Variants in SCP2 observed in about 807,000 individuals in gnomAD.
The protein encoded by SCP2 is SCP-2/3-oxoacyl-CoA thiolase.
SCP2 carries 48 observed loss-of-function variants against 71.4 expected under a neutral mutation model. That is an observed-to-expected ratio of 0.67 (90% CI 0.53 to 0.86). SCP2 has a LOEUF of 0.86. SCP2 is among the 40% of genes least tolerant of loss of function. The pLI is 0.00. For synonymous variants in SCP2, 220 were observed against 218.1 expected (o/e 1.01, Z -0.08); for missense variants, 560 against 655.6 (o/e 0.85, Z 1.59).
intron 6 of SCP2, among the ~76,000 whole-genome samples, chr1:52,970,755 A>T (rs12089511): frequency 0.59 from 89,082 of 151,676 alleles, 28,715 homozygotes; most frequent in East Asian, 0.98. Context: ...CAGCCTGCCC[A>T]TGTACCCTTA....
chr1:53,017,141 A>G (rs1224801839), intron 12 of SCP2, among the ~76,000 whole-genome samples: 1 of 152,192 alleles, frequency 6.6e-6, no homozygotes, highest in African/African-American at 2.4e-5. Flanking sequence ...ATAGGTATGT[A>G]TTCTATATTC....
intron 11 of SCP2, among the ~76,000 whole-genome samples, chr1:53,000,971 TTA>T (rs201322829): frequency 1.3e-5 from 2 of 151,258 alleles, no homozygotes; most frequent in Non-Finnish European, 1.5e-5. Context: ...AAGAAAAAAA[TTA>T]TATATATATA....
At chr1:52,958,507 A>G (rs1656032100) in intron 5 of SCP2, among the ~76,000 whole-genome samples, 1 of 152,132 alleles carries the variant, frequency 6.6e-6, no homozygotes, top group Non-Finnish European at 1.5e-5. Context: ...CTGGGATTAC[A>G]AGTATGAGGC....
At chr1:52,948,107 AT>A (rs1557550968) in intron 3 of SCP2, 27 bp downstream of exon 3, 3 of 1,479,514 alleles carry the variant, frequency 2.0e-6, no homozygotes, top group South Asian at 2.3e-5. Context: ...GTATTCTAAA[AT>A]TTTTTTACCT....
intron 1 of SCP2, among the ~76,000 whole-genome samples, chr1:52,938,771 T>C (rs893519510): frequency 2.0e-5 from 3 of 152,238 alleles, no homozygotes; most frequent in Non-Finnish European, 4.4e-5. Context: ...ACATTTGTTA[T>C]GATCGATGAA....
intron 6 of SCP2, among the ~76,000 whole-genome samples, chr1:52,969,848 A>AAAC (rs1557572037): frequency 3.2e-5 from 4 of 123,380 alleles, no homozygotes; most frequent in Non-Finnish European, 5.6e-5. Flanking sequence ...AACAAACAAA[A>AAAC]AAAGTGGCCT....
Position 53,011,154 on chromosome 1 carries a change from C to A in SCP2, c.1082-3736C>A, listed in dbSNP as rs189809571. On this transcript the variant is annotated intron_variant, in intron 11 of 15. Transcript: ENST00000371514. ...GCCTTTTCTTCCTCAAAAATTCAGG[C>A]TCTGATAGTAGAAAACCATGCTTTT... is the stretch of plus-strand genomic sequence containing the variant. 2.3e-3 allele frequency among the ~76,000 whole-genome samples: 355 copies of A among 152,276 alleles called. 1 individual carries two copies. Among genetic ancestry groups the A allele is most frequent in the Middle Eastern group, 0.017 (5 of 294 alleles).
intron 2 of SCP2, chr1:52,943,939 A>G: frequency 2.8e-6 from 1 of 355,578 alleles, no homozygotes; most frequent in Non-Finnish European, 5.6e-6. Flanking sequence ...CATGGTATAG[A>G]GACCTCCTTA....
intron 8 of SCP2, among the ~76,000 whole-genome samples, chr1:52,977,625 C>T (rs1242027040): frequency 6.6e-6 from 1 of 152,170 alleles, no homozygotes; most frequent in African/African-American, 2.4e-5. Context: ...TCAGAAGATG[C>T]CTTATGCATC....
intron 10 of SCP2, among the ~76,000 whole-genome samples, chr1:52,987,644 A>G (rs1659117336): frequency 6.6e-6 from 1 of 152,190 alleles, no homozygotes; most frequent in African/African-American, 2.4e-5. Flanking sequence ...ATACTTATAT[A>G]GTATATAGCA....
chr1:52,969,818 C>T (rs371934792), intron 6 of SCP2, among the ~76,000 whole-genome samples: 1 of 93,462 alleles, frequency 1.1e-5, no homozygotes, highest in Admixed American at 1.1e-4. Flanking sequence ...TAGACTCCAT[C>T]TCAAACAAAC....
At chr1:52,987,456 C>T (rs535433458) in intron 10 of SCP2, among the ~76,000 whole-genome samples, 1 of 152,232 alleles carries the variant, frequency 6.6e-6, no homozygotes, top group South Asian at 2.1e-4. Context: ...TTATTTACTT[C>T]TTAAGCATCT....
intron 6 of SCP2, among the ~76,000 whole-genome samples, chr1:52,971,789 G>C (rs1444879213): frequency 6.6e-6 from 1 of 152,140 alleles, no homozygotes; most frequent in African/African-American, 2.4e-5. Flanking sequence ...CTGGAATGGG[G>C]GTCTTATGAC....
At position 53,044,093 on chromosome 1, in the gene SCP2, T is replaced by A. The variant is rs570923200; in HGVS notation, c.1469-3765T>A. On this transcript the variant is annotated intron_variant, in intron 14 of 15. Coordinates refer to ENST00000371514, the MANE Select transcript of SCP2 (RefSeq NM_002979.5). ...TTTTTTTTGAGATGGAGTCTCACTC[T>A]TGTCACCCAGGTTGGAGTGCAATGG... is the stretch of plus-strand genomic sequence containing the variant. 3.3e-5 allele frequency among the ~76,000 whole-genome samples: 5 copies of A among 152,164 alleles called. No homozygotes were observed. In the South Asian group the frequency reaches 1.0e-3, roughly 32 times the overall value.
At position 53,050,811 on chromosome 1, in the gene SCP2, T is replaced by A; in HGVS notation, c.*107T>A. On this transcript the variant is annotated 3_prime_UTR_variant, in exon 16 of 16. Coordinates refer to ENST00000371514, the MANE Select transcript of SCP2 (RefSeq NM_002979.5). ...TGAAACTACACATTGGCAAATAGCGTGGGATAGATTTGTTTCTTAATGGGT... is the reference window on the plus strand; with the variant it reads ...TGAAACTACACATTGGCAAATAGCGAGGGATAGATTTGTTTCTTAATGGGT... The A allele has an allele frequency of 1.2e-6, 1 of 831,686 alleles. No individual in the cohort carries two copies. The highest frequency in any genetic ancestry group is 2.0e-6 in the Non-Finnish European group (1 of 488,324). 51.5% of individuals were successfully genotyped at this position (831,686 alleles called of 1,614,324 possible). A position where few individuals can be genotyped will look rare whatever the true frequency, so the allele number is the denominator to read the frequency against.
chr1:52,974,213 T>C (rs188063086), intron 6 of SCP2, among the ~76,000 whole-genome samples: 5 of 152,302 alleles, frequency 3.3e-5, no homozygotes, highest in Admixed American at 3.3e-4. Flanking sequence ...TTTTTTTGCG[T>C]GTTTTACCTC....
chr1:52,946,388 C>G (rs543714253), intron 2 of SCP2, among the ~76,000 whole-genome samples: 1 of 151,658 alleles, frequency 6.6e-6, no homozygotes, highest in South Asian at 2.1e-4. Flanking sequence ...GCTACCACAC[C>G]TGGCTAATTT....
chr1:53,032,570 T>A (rs374562030), intron 13 of SCP2, among the ~76,000 whole-genome samples: 2 of 152,174 alleles, frequency 1.3e-5, no homozygotes, highest in African/African-American at 4.8e-5. Context: ...TTCATGGAAT[T>A]CAACATGTTC....
At chr1:52,999,392 C>T (rs1046913236) in intron 11 of SCP2, among the ~76,000 whole-genome samples, 2 of 152,134 alleles carry the variant, frequency 1.3e-5, no homozygotes, top group African/African-American at 4.8e-5. Context: ...TATGTTAAGA[C>T]TAGTGATGAG....
Sources: allele counts gnomAD v4.1 joint callset (sites outside exome capture counted in the v4.1 genomes callset), GRCh38; gene constraint gnomAD v4.1.1; transcripts MANE v1.5; gene names NCBI Gene and HGNC (gene_info 2026-07-23, HGNC 2026-07-21).